KBTBD2: variants seen among roughly 807,000 people sequenced by gnomAD.
KBTBD2 encodes kelch repeat and BTB domain containing 2.
A neutral mutation model predicts 57.1 loss-of-function variants in KBTBD2; 17 were observed. The observed-to-expected ratio is 0.30, with a 90% CI of 0.20 to 0.45. The LOEUF is 0.45. Ranked by LOEUF, KBTBD2 falls within the 20% of genes least tolerant of loss-of-function variation. KBTBD2 has a pLI of 1.00. For missense variants in KBTBD2, 515 were observed against 750.6 expected, an observed-to-expected ratio of 0.69 and a Z score of 3.67; for synonymous variants, 267 against 262.7, an observed-to-expected ratio of 1.02 and a Z score of -0.16.
At chr7:32,883,342 A>AC (rs915765498) in intron 1 of KBTBD2, among the ~76,000 whole-genome samples, 2 of 152,176 alleles carry the variant, frequency 1.3e-5, no homozygotes, top group Non-Finnish European at 2.9e-5. Flanking sequence ...AACTGAGATC[A>AC]CACCACTGCA....
upstream of KBTBD2, chr7:32,891,874 G>A (rs1316491308): frequency 1.1e-5 from 1 of 94,232 alleles, no homozygotes; most frequent in Non-Finnish European, 2.1e-5. Flanking sequence ...GAGACGCCGG[G>A]CCCGCCGCCC....
chr7:32,883,013 TAATA>T (rs1046955564), intron 1 of KBTBD2, among the ~76,000 whole-genome samples: 7 of 151,894 alleles, frequency 4.6e-5, no homozygotes, highest in South Asian at 2.1e-4. Flanking sequence ...AAACAAAAAA[TAATA>T]AATAAAATTA....
In KBTBD2 at chr7:32,877,915, C is replaced by A. The variant is rs1396659164; in HGVS notation, c.170+1520G>T. Among the ~76,000 whole-genome samples the A allele has an allele frequency of 3.3e-5, 5 of 151,402 alleles. No homozygotes were observed. The East Asian group carries it at 9.8e-4, about 30-fold the overall frequency. On this transcript the variant is annotated intron_variant, in intron 2 of 3. Coordinates refer to ENST00000304056, the MANE Select transcript of KBTBD2 (RefSeq NM_015483.3). ...CTTGAGATCAGGAGTTTGAGACCAG[C>A]GTGGGCAACATGGTGAAACCCCGTC...
Position 32,868,479 on chromosome 7 carries a change from A to G in KBTBD2, c.*866T>C, listed in dbSNP as rs1784080532. 6.6e-6 allele frequency: 1 copy of G among 152,632 alleles called. No homozygotes were observed. Among genetic ancestry groups the G allele is most frequent in the Non-Finnish European group, 1.5e-5 (1 of 68,042 alleles). 9.5% of individuals were successfully genotyped at this position (152,632 alleles called of 1,614,324 possible). A position where few individuals can be genotyped will look rare whatever the true frequency, so the allele number is the denominator to read the frequency against. On this transcript the variant is annotated 3_prime_UTR_variant, in exon 4 of 4. Transcript: ENST00000304056. ...ACAGATCTATACACAATCACTCTAC[A>G]GTAATGCTTGTTATTAAATTAAGAT...
In KBTBD2 at chr7:32,870,865, G is replaced by T. The variant is rs752052321; in HGVS notation, c.352C>A (p.Gln118Lys). Residue 118 changes from glutamine (Q) to lysine (K), a missense_variant, in exon 4 of 4, where the codon CAA becomes AAA. Physicochemically the swap from Gln to Lys is moderately conservative, Grantham distance 53. Coordinates refer to ENST00000304056, the MANE Select transcript of KBTBD2 (RefSeq NM_015483.3). ...ACFLQVEDVL[Q>K]RCREYLIKKI... ...TTAATTAAATATTCTCGACAACGTTGTAACACATCTTCTACCTAGAATGAG... is the reference window on the plus strand; with the variant it reads ...TTAATTAAATATTCTCGACAACGTTTTAACACATCTTCTACCTAGAATGAG... 6.4e-7 allele frequency: 1 copy of T among 1,567,060 alleles called. No homozygotes were observed. Among genetic ancestry groups the T allele is most frequent in the Non-Finnish European group, 8.6e-7 (1 of 1,162,362 alleles).
In KBTBD2 at chr7:32,869,954, C is replaced by G; in HGVS notation, c.1263G>C (p.Trp421Cys). 6.2e-7 allele frequency: 1 copy of G among 1,614,086 alleles called. No individual in the cohort carries two copies. The highest frequency in any genetic ancestry group is 8.5e-7 in the Non-Finnish European group (1 of 1,180,006). ...AGTCATGAACCACAACTGCTGCACT[C>G]CATTGCCAAGCACAAGGTAAAGGGC... Reference protein sequence around the residue: ...MVSPLPCAWQWSAAVVVHDCI... With the variant: ...MVSPLPCAWQCSAAVVVHDCI... The change falls in exon 4 of 4, where the codon TGG (tryptophan) becomes TGC (cysteine). Residue 421 changes from tryptophan to cysteine, a missense_variant. Transcript: ENST00000304056.
At position 32,869,664 on chromosome 7, in the gene KBTBD2, T is replaced by C. The variant is rs1231151605; in HGVS notation, c.1553A>G (p.Lys518Arg). Residue 518 changes from lysine (K) to arginine (R), a missense_variant, in exon 4 of 4, where the codon AAG becomes AGG. By Grantham distance (26) the Lys-to-Arg change is conservative. Transcript: ENST00000304056. ...EWKMAANIPA[K>R]RYSDPCVRAV... is the part of the protein sequence containing the mutation. ...TCTAACACAGGGGTCAGAGTACCTC[T>C]TAGCAGGGATGTTGGCTGCCATTTT... is the stretch of plus-strand genomic sequence containing the variant. 6.2e-7 allele frequency: 1 copy of C among 1,614,058 alleles called. No individual in the cohort carries two copies. Among genetic ancestry groups the C allele is most frequent in the African/African-American group, 1.3e-5 (1 of 74,938 alleles).
rs1784403808 is a variant in KBTBD2 at position 32,879,807 on chromosome 7, G to C, written c.-203C>G. On this transcript the variant is annotated 5_prime_UTR_variant, in exon 2 of 4. Transcript: ENST00000304056. ...TCCTAGGTCATCCTGTGTTAATTAGGTTCTTCAGAGTTTTTCAACACAGTC... is the reference window on the plus strand; with the variant it reads ...TCCTAGGTCATCCTGTGTTAATTAGCTTCTTCAGAGTTTTTCAACACAGTC... 2.1e-6 allele frequency: 1 copy of C among 475,158 alleles called. No individual in the cohort carries two copies. The highest frequency in any genetic ancestry group is 3.7e-6 in the Non-Finnish European group (1 of 271,056). The allele number at this position is 475,158 out of a possible 1,614,324, so 29.4% of individuals were successfully genotyped here.
chr7:32,869,218 C>G lies in KBTBD2; in HGVS notation c.*127G>C, dbSNP rs1359779183. 1 of 633,540 alleles carries G rather than the reference C, an allele frequency of 1.6e-6. No homozygotes were observed. The highest frequency in any genetic ancestry group is 2.7e-6 in the Non-Finnish European group (1 of 370,230). 39.2% of individuals were successfully genotyped at this position (633,540 alleles called of 1,614,324 possible). A position where few individuals can be genotyped will look rare whatever the true frequency, so the allele number is the denominator to read the frequency against. ...ATACTGATGCAAATATTAAGTAGGGCATAAAAATAAAATTTATCAAAGATA... is the reference window on the plus strand; with the variant it reads ...ATACTGATGCAAATATTAAGTAGGGGATAAAAATAAAATTTATCAAAGATA... On this transcript the variant is annotated 3_prime_UTR_variant, in exon 4 of 4. Coordinates refer to ENST00000304056, the MANE Select transcript of KBTBD2 (RefSeq NM_015483.3).
At position 32,870,162 on chromosome 7, in the gene KBTBD2, C is replaced by G; in HGVS notation, c.1055G>C (p.Trp352Ser). 6.2e-7 allele frequency: 1 copy of G among 1,614,154 alleles called. No individual in the cohort carries two copies. The highest frequency in any genetic ancestry group is 8.5e-7 in the Non-Finnish European group (1 of 1,180,024). ...TAFRTVNCFY[W>S]FDAQQNTWFP... is the part of the protein sequence containing the mutation. ...CCAGGTATTTTGCTGTGCATCAAAC[C>G]AATAAAAGCAATTCACAGTTCTGAA... is the stretch of plus-strand genomic sequence containing the variant. The change falls in exon 4 of 4, where the codon TGG (tryptophan) becomes TCG (serine). Residue 352 changes from tryptophan to serine, a missense_variant. By Grantham distance (177) the Trp-to-Ser change is radical. Transcript: ENST00000304056.
chr7:32,880,091 A>G (rs1224814389), intron 1 of KBTBD2, 149 bp from the exon 2 acceptor site: 1 of 152,308 alleles, frequency 6.6e-6, no homozygotes, highest in Non-Finnish European at 1.5e-5. Context: ...AAAAATGAAG[A>G]TTCTTAGTCT....
At chr7:32,881,847 A>G (rs1423212183) in intron 1 of KBTBD2, among the ~76,000 whole-genome samples, 2 of 152,222 alleles carry the variant, frequency 1.3e-5, no homozygotes, top group African/African-American at 4.8e-5. Flanking sequence ...ACAATCCCTT[A>G]TTCAAAACTC....
chr7:32,875,065 T>C lies in KBTBD2; in HGVS notation c.263A>G (p.Tyr88Cys). 1 of 1,614,200 alleles carries C rather than the reference T, an allele frequency of 6.2e-7. No homozygotes were observed. The change falls in exon 3 of 4, where the codon TAT becomes TGT. Residue 88 changes from tyrosine (Y) to cysteine (C), a missense_variant. Coordinates refer to ENST00000304056, the MANE Select transcript of KBTBD2 (RefSeq NM_015483.3). ...DAATLQIIIT[Y>C]AYTGNLAMND... ...CATTGCCAAGTTACCCGTGTATGCATAAGTTATTATTATCTGTAAGGTGGC... is the reference window on the plus strand; with the variant it reads ...CATTGCCAAGTTACCCGTGTATGCACAAGTTATTATTATCTGTAAGGTGGC...
chr7:32,880,204 A>G (rs930535477), intron 1 of KBTBD2, among the ~76,000 whole-genome samples: 3 of 152,184 alleles, frequency 2.0e-5, no homozygotes, highest in East Asian at 1.9e-4. Context: ...GAACACATGA[A>G]TAAGTACACA....
intron 1 of KBTBD2, among the ~76,000 whole-genome samples, chr7:32,888,662 T>C (rs1168097706): frequency 1.4e-4 from 20 of 144,500 alleles, no homozygotes; most frequent in African/African-American, 5.0e-4. Context: ...ATCACTGCAC[T>C]CCAGCCTGGG....
chr7:32,883,990 T>C (rs1321812251), intron 1 of KBTBD2, among the ~76,000 whole-genome samples: 1 of 152,182 alleles, frequency 6.6e-6, no homozygotes, highest in African/African-American at 2.4e-5. Flanking sequence ...TTTCTTGAAA[T>C]GTAGCTATCT....
intron 1 of KBTBD2, among the ~76,000 whole-genome samples, chr7:32,889,308 A>C (rs1039250551): frequency 5.4e-5 from 8 of 149,458 alleles, no homozygotes; most frequent in African/African-American, 2.0e-4. Flanking sequence ...AAAAAAAAAA[A>C]TTACTTGAGA....
intron 1 of KBTBD2, among the ~76,000 whole-genome samples, chr7:32,886,959 T>C (rs11762628): frequency 0.41 from 61,835 of 150,284 alleles, 13,992 homozygotes; most frequent in African/African-American, 0.62. Context: ...GTTTTGGCTT[T>C]TTGGGGGGAG....
At chr7:32,880,994 A>G (rs1319775227) in intron 1 of KBTBD2, among the ~76,000 whole-genome samples, 1 of 151,984 alleles carries the variant, frequency 6.6e-6, no homozygotes, top group Non-Finnish European at 1.5e-5. Flanking sequence ...CCAGCTACTC[A>G]GGAGGCTGAG....
Sources: gnomAD v4.1 joint callset for allele counts (sites outside exome capture counted in the v4.1 genomes callset) on GRCh38, gnomAD v4.1.1 for gene constraint, MANE v1.5 for transcripts, NCBI Gene and HGNC (gene_info 2026-07-23, HGNC 2026-07-21) for gene names.